PTPRN2: variants seen among roughly 807,000 people sequenced by gnomAD.
PTPRN2 encodes protein tyrosine phosphatase receptor type N2.
PTPRN2 carries 74 observed loss-of-function variants against 118.8 expected under a neutral mutation model. The observed-to-expected ratio is 0.62, with a 90% CI of 0.52 to 0.76. The LOEUF is 0.76. PTPRN2 is among the 30% of genes least tolerant of loss of function. The pLI is 0.00. For missense variants in PTPRN2, 1,481 were observed against 1,394.4 expected (o/e 1.06, Z -0.99); for synonymous variants, 641 against 608.0 (o/e 1.05, Z -0.80).
At chr7:157,644,841 A>G (rs1804949209) in intron 14 of PTPRN2, among the ~76,000 whole-genome samples, 1 of 152,124 alleles carries the variant, frequency 6.6e-6, no homozygotes, top group Non-Finnish European at 1.5e-5. Flanking sequence ...AACAAAACAA[A>G]AGCAGCAGCA....
In PTPRN2 at chr7:158,040,736, C is replaced by CTTTTTTTTTTTTTTTTTTTTTTTTTT. The variant is rs58192875; in HGVS notation, c.1723+40561_1723+40562insAAAAAAAAAAAAAAAAAAAAAAAAAA. Reference sequence around the variant, plus strand: ...TTGATCTGCCTTTCTTTTTTTCTTTCTTTTTTTTTTTTTTGAGATGGAATC... The same window carrying CTTTTTTTTTTTTTTTTTTTTTTTTTT: ...TTGATCTGCCTTTCTTTTTTTCTTTCTTTTTTTTTTTTTTTTTTTTTTTTTTTTTTTTTTTTTTTTGAGATGGAATC... On this transcript the variant is annotated intron_variant, in intron 11 of 22. Coordinates refer to ENST00000389418, the MANE Select transcript of PTPRN2 (RefSeq NM_002847.5). Among the ~76,000 whole-genome samples, 2 of 142,206 alleles carry CTTTTTTTTTTTTTTTTTTTTTTTTTT rather than the reference C, an allele frequency of 1.4e-5. 1 individual carries two copies. The highest frequency in any genetic ancestry group is 3.0e-5 in the Non-Finnish European group (2 of 65,914). 93.3% of individuals were successfully genotyped at this position (142,206 alleles called of 152,430 possible).
chr7:158,161,153 G>C (rs1434333709), intron 6 of PTPRN2, among the ~76,000 whole-genome samples: 2 of 152,120 alleles, frequency 1.3e-5, no homozygotes, highest in Non-Finnish European at 2.9e-5. Flanking sequence ...TCTCCAACTT[G>C]ATCTATGGAT....
chr7:157,715,359 C>T (rs926734464), intron 12 of PTPRN2, among the ~76,000 whole-genome samples: 2 of 152,132 alleles, frequency 1.3e-5, no homozygotes, highest in African/African-American at 2.4e-5. Context: ...GGGTGCCAGT[C>T]CCCCCGCTAC....
intron 11 of PTPRN2, among the ~76,000 whole-genome samples, chr7:157,911,317 C>T (rs558631158): frequency 5.6e-4 from 85 of 152,288 alleles, no homozygotes; most frequent in African/African-American, 1.7e-3. Flanking sequence ...GATGCAAAGA[C>T]GCTCATTTCT....
At chr7:158,281,629 T>A (rs1799433203) in intron 3 of PTPRN2, among the ~76,000 whole-genome samples, 1 of 152,154 alleles carries the variant, frequency 6.6e-6, no homozygotes, top group East Asian at 1.9e-4. Flanking sequence ...TGCACCCCCC[T>A]CCTGCCACGT....
intron 11 of PTPRN2, among the ~76,000 whole-genome samples, chr7:158,027,070 C>T (rs1807327818): frequency 6.6e-6 from 1 of 152,228 alleles, no homozygotes; most frequent in African/African-American, 2.4e-5. Context: ...TCTCCGCTGA[C>T]CAGGCAGGTC....
At chr7:157,832,390 A>G (rs1365058359) in intron 12 of PTPRN2, among the ~76,000 whole-genome samples, 1 of 152,222 alleles carries the variant, frequency 6.6e-6, no homozygotes, top group Non-Finnish European at 1.5e-5. Flanking sequence ...TGCCTTTGTA[A>G]ACTGGAGACA....
chr7:157,961,407 C>G (rs964848397), intron 11 of PTPRN2, among the ~76,000 whole-genome samples: 5 of 152,024 alleles, frequency 3.3e-5, no homozygotes, highest in African/African-American at 1.2e-4. Context: ...GTGGTACACA[C>G]CTGTAATCCC....
At chr7:157,991,151 G>T (rs182556235) in intron 11 of PTPRN2, among the ~76,000 whole-genome samples, 6 of 152,314 alleles carry the variant, frequency 3.9e-5, no homozygotes, top group East Asian at 1.9e-4. Flanking sequence ...TCCCTGAGAG[G>T]CACCCAGCCT....
chr7:157,764,206 G>C lies in PTPRN2; in HGVS notation c.1789-81269C>G, dbSNP rs755765944. ...AAAAACTAACCACAGAATCAGCCCAGGACCCAGCAGTTCCACCAGGGGCAT... is the reference window on the plus strand; with the variant it reads ...AAAAACTAACCACAGAATCAGCCCACGACCCAGCAGTTCCACCAGGGGCAT... On this transcript the variant is annotated intron_variant, in intron 12 of 22. Transcript: ENST00000389418. The surrounding 1 kb of genome is among the most constrained non-coding windows in gnomAD (Gnocchi z 4.5). Among the ~76,000 whole-genome samples, 2 of 152,196 alleles carry C rather than the reference G, an allele frequency of 1.3e-5. No individual in the cohort carries two copies. Among genetic ancestry groups the C allele is most frequent in the Non-Finnish European group, 2.9e-5 (2 of 68,040 alleles).
chr7:158,053,848 CAG>C lies in PTPRN2; in HGVS notation c.1723+27448_1723+27449del, dbSNP rs199591634. On this transcript the variant is annotated intron_variant, in intron 11 of 22. Transcript: ENST00000389418. ...CAGAGATGCAGAGACCCCAGAGACG[CAG>C]AGACTCCAGAGACGCAGAGACCCCA... 5.0e-3 allele frequency among the ~76,000 whole-genome samples: 744 copies of C among 148,236 alleles called. 5 individuals carry two copies. Among genetic ancestry groups the C allele is most frequent in the African/African-American group, 0.017 (686 of 39,512 alleles).
At chr7:158,009,215 C>T (rs1035742389) in intron 11 of PTPRN2, among the ~76,000 whole-genome samples, 2 of 152,106 alleles carry the variant, frequency 1.3e-5, no homozygotes, top group Admixed American at 6.5e-5. Flanking sequence ...CTCTCCAGGT[C>T]GGACTTGAAA....
At chr7:158,340,654 C>T (rs1361338799) in intron 2 of PTPRN2, among the ~76,000 whole-genome samples, 34 of 99,232 alleles carry the variant, frequency 3.4e-4, no homozygotes, top group African/African-American at 1.0e-3. Context: ...AGCTGACGCC[C>T]GCAGACGTCA....
intron 2 of PTPRN2, among the ~76,000 whole-genome samples, chr7:158,388,999 A>G: frequency 6.6e-6 from 1 of 152,244 alleles, no homozygotes; most frequent in African/African-American, 2.4e-5. Context: ...CGGACTGGCG[A>G]TTAGAACCTA....
At chr7:157,630,571 A>G (rs1803881480) in intron 14 of PTPRN2, among the ~76,000 whole-genome samples, 1 of 152,188 alleles carries the variant, frequency 6.6e-6, no homozygotes, top group Non-Finnish European at 1.5e-5. Context: ...AACAGCTGAA[A>G]CAGGCATTGT....
At chr7:157,898,041 G>A (rs1200056379) in intron 12 of PTPRN2, among the ~76,000 whole-genome samples, 1 of 152,254 alleles carries the variant, frequency 6.6e-6, no homozygotes, top group Non-Finnish European at 1.5e-5. Flanking sequence ...GCGGGGAGGC[G>A]CCTGCGGCTC....
intron 11 of PTPRN2, among the ~76,000 whole-genome samples, chr7:158,012,393 T>C (rs1171634361): frequency 1.3e-5 from 2 of 152,194 alleles, no homozygotes; most frequent in South Asian, 2.1e-4. Flanking sequence ...AAAAAATCCA[T>C]AGTGTTTAGT....
chr7:158,393,798 T>C (rs1473206630), intron 2 of PTPRN2, among the ~76,000 whole-genome samples: 2 of 152,128 alleles, frequency 1.3e-5, no homozygotes, highest in Non-Finnish European at 2.9e-5. Context: ...GTCTTCATGA[T>C]GGAACATCAC....
intron 2 of PTPRN2, among the ~76,000 whole-genome samples, chr7:158,484,610 G>A (rs1405760394): frequency 6.6e-6 from 1 of 152,188 alleles, no homozygotes; most frequent in Non-Finnish European, 1.5e-5. Flanking sequence ...TGATCTGCCC[G>A]CCTCGGCCTC....
Sources: gnomAD v4.1 joint callset for allele counts (sites outside exome capture counted in the v4.1 genomes callset) on GRCh38, gnomAD v4.1.1 for gene constraint, Gnocchi (gnomAD v3.1) non-coding constraint, MANE v1.5 for transcripts, NCBI Gene and HGNC (gene_info 2026-07-23, HGNC 2026-07-21) for gene names.